Variants in CADM2 observed in about 807,000 individuals in gnomAD.
CADM2 encodes cell adhesion molecule 2.
In CADM2, 12 loss-of-function variants were observed where a neutral mutation model predicts 49.8. That is an observed-to-expected ratio of 0.24 (90% CI 0.15 to 0.39). The LOEUF is 0.39. Among genes scored for constraint, CADM2 ranks in the 10% least tolerant of loss-of-function variants. The pLI is 1.00. For synonymous variants in CADM2, 214 were observed against 175.4 expected (o/e 1.22, Z -1.74); for missense variants, 378 against 492.3 (o/e 0.77, Z 2.20).
chr3:85,072,910 G>A, intron 1 of CADM2, among the ~76,000 whole-genome samples: 1 of 151,912 alleles, frequency 6.6e-6, no homozygotes, highest in East Asian at 1.9e-4. Flanking sequence ...ATCATTGCAG[G>A]ACATTTAACC....
intron 1 of CADM2, among the ~76,000 whole-genome samples, chr3:85,034,789 G>GCTTTTTTTTTTTTTTTTTTTT (rs2035138790): frequency 1.0e-5 from 1 of 99,366 alleles, no homozygotes; most frequent in African/African-American, 4.5e-5. Flanking sequence ...AAGACATTTT[G>GCTTTTTTTTTTTTTTTTTTTT]CTTTTTTTTT....
intron 1 of CADM2, among the ~76,000 whole-genome samples, chr3:84,967,324 C>A (rs1162235950): frequency 6.6e-6 from 1 of 152,044 alleles, no homozygotes; most frequent in Non-Finnish European, 1.5e-5. Flanking sequence ...TAAAAAAAGT[C>A]CTAATTTTCT....
At chr3:85,643,019 T>G (rs567287725) in intron 1 of CADM2, among the ~76,000 whole-genome samples, 1 of 152,268 alleles carries the variant, frequency 6.6e-6, no homozygotes, top group Admixed American at 6.5e-5. Flanking sequence ...AGATATTGTC[T>G]TAAGTATATT....
intron 3 of CADM2, among the ~76,000 whole-genome samples, chr3:85,809,727 C>G (rs2072706945): frequency 3.4e-5 from 4 of 119,364 alleles, no homozygotes; most frequent in Non-Finnish European, 5.2e-5. Flanking sequence ...TTCGTTCCTT[C>G]CCTCCCTCCC....
At chr3:85,154,198 T>G (rs1575995722) in intron 1 of CADM2, among the ~76,000 whole-genome samples, 1 of 152,148 alleles carries the variant, frequency 6.6e-6, no homozygotes, top group East Asian at 1.9e-4. Context: ...TTTAAAAAAT[T>G]TAGAAGAATG....
chr3:85,632,759 T>A (rs1371111983), intron 1 of CADM2, among the ~76,000 whole-genome samples: 1 of 152,044 alleles, frequency 6.6e-6, no homozygotes, highest in East Asian at 1.9e-4. Context: ...CACTATTAAT[T>A]TATTTAGAGT....
intron 1 of CADM2, among the ~76,000 whole-genome samples, chr3:85,410,414 C>CT (rs1451838259): frequency 3.3e-5 from 5 of 152,094 alleles, no homozygotes; most frequent in Admixed American, 1.3e-4. Flanking sequence ...TCTCCTTTTC[C>CT]TTTTTTGTAT....
chr3:85,460,771 C>T (rs970695197), intron 1 of CADM2, among the ~76,000 whole-genome samples: 6 of 151,096 alleles, frequency 4.0e-5, no homozygotes, highest in Non-Finnish European at 7.4e-5. Context: ...CATTCACCAG[C>T]CCACCACCAT....
At chr3:86,038,872 T>C (rs1235847931) in intron 8 of CADM2, among the ~76,000 whole-genome samples, 1 of 152,218 alleles carries the variant, frequency 6.6e-6, no homozygotes, top group African/African-American at 2.4e-5. Flanking sequence ...TAGGTGAGAT[T>C]CAGTCCACAC....
intron 1 of CADM2, among the ~76,000 whole-genome samples, chr3:85,126,664 T>A (rs920734310): frequency 1.3e-5 from 2 of 152,160 alleles, no homozygotes; most frequent in African/African-American, 4.8e-5. Flanking sequence ...TTGTTTTATG[T>A]GTCTTTCTTT....
intron 1 of CADM2, among the ~76,000 whole-genome samples, chr3:85,054,348 A>C (rs1364561728): frequency 2.6e-5 from 4 of 151,888 alleles, no homozygotes; most frequent in African/African-American, 7.2e-5. Context: ...GGAAAAATAT[A>C]AGGCTTATAG....
At chr3:85,203,101 G>C (rs2041550103) in intron 1 of CADM2, among the ~76,000 whole-genome samples, 2 of 152,088 alleles carry the variant, frequency 1.3e-5, no homozygotes, top group South Asian at 4.1e-4. Context: ...CACTCAAGCT[G>C]GAGCTCTTTC....
intron 8 of CADM2, among the ~76,000 whole-genome samples, chr3:86,034,522 C>T (rs1008539156): frequency 3.9e-5 from 6 of 151,912 alleles, no homozygotes; most frequent in Admixed American, 6.6e-5. Flanking sequence ...CTCACAGAAC[C>T]GTGAGAAATA....
intron 1 of CADM2, among the ~76,000 whole-genome samples, chr3:85,570,651 A>G (rs576579130): frequency 1.7e-4 from 26 of 152,298 alleles, no homozygotes; most frequent in African/African-American, 5.5e-4. Context: ...AAAAATACTA[A>G]CCTAACACAG....
intron 1 of CADM2, among the ~76,000 whole-genome samples, chr3:85,093,765 G>A (rs999040229): frequency 1.3e-5 from 2 of 152,060 alleles, no homozygotes; most frequent in African/African-American, 4.8e-5. Context: ...TACTCTAAGA[G>A]AGGGAAAGTG....
chr3:85,397,649 G>A (rs2034860307), intron 1 of CADM2, among the ~76,000 whole-genome samples: 1 of 152,144 alleles, frequency 6.6e-6, no homozygotes, highest in African/African-American at 2.4e-5. Context: ...AATATTGTAT[G>A]AATCACTTAC....
chr3:85,900,453 A>G (rs1715959796), intron 5 of CADM2, among the ~76,000 whole-genome samples: 1 of 152,184 alleles, frequency 6.6e-6, no homozygotes, highest in Non-Finnish European at 1.5e-5. Flanking sequence ...ACAGGAATTT[A>G]GTCTTGTTAT....
intron 1 of CADM2, among the ~76,000 whole-genome samples, chr3:85,599,736 A>G (rs968675745): frequency 2.6e-5 from 4 of 151,988 alleles, no homozygotes; most frequent in African/African-American, 9.7e-5. Context: ...TTTTAGATGT[A>G]TAGGATTCTA....
chr3:85,952,851 C>T (rs1024171966), intron 7 of CADM2, among the ~76,000 whole-genome samples: 10 of 150,828 alleles, frequency 6.6e-5, no homozygotes, highest in Admixed American at 3.3e-4. Flanking sequence ...GGATTTTCCC[C>T]AGATGTTTCA....
Sources: allele counts gnomAD v4.1 joint callset (sites outside exome capture counted in the v4.1 genomes callset), GRCh38; gene constraint gnomAD v4.1.1; transcripts MANE v1.5; gene names NCBI Gene and HGNC (gene_info 2026-07-23, HGNC 2026-07-21).